The following HTR1F variants were observed in gnomAD, a reference collection of about 807,000 sequenced individuals.
HTR1F encodes 5-hydroxytryptamine (serotonin) receptor 1F, G protein-coupled.
In HTR1F, 17 loss-of-function variants were observed where a neutral mutation model predicts 24.0. The ratio of observed to expected loss-of-function variants is 0.71; its 90% CI spans 0.48 to 1.06. HTR1F has a LOEUF of 1.06. Ranked by LOEUF, HTR1F falls within the 50% of genes least tolerant of loss-of-function variation. HTR1F has a pLI of 0.00. For missense variants in HTR1F, 391 were observed against 427.8 expected (o/e 0.91, Z 0.76); for synonymous variants, 186 against 156.8 (o/e 1.19, Z -1.39).
intron 2 of HTR1F, among the ~76,000 whole-genome samples, chr3:87,947,154 T>C (rs1056852758): frequency 1.3e-5 from 2 of 152,252 alleles, no homozygotes; most frequent in Non-Finnish European, 2.9e-5. Flanking sequence ...TGTTTTAACA[T>C]ATTTTTGCCT....
chr3:87,959,046 C>T (rs1211108675), intron 2 of HTR1F, among the ~76,000 whole-genome samples: 1 of 151,656 alleles, frequency 6.6e-6, no homozygotes, highest in Non-Finnish European at 1.5e-5. Context: ...AACTTATTAC[C>T]TTGATATCTT....
At chr3:87,941,980 G>A (rs2880696) in intron 2 of HTR1F, among the ~76,000 whole-genome samples, 4 of 152,032 alleles carry the variant, frequency 2.6e-5, no homozygotes, top group Non-Finnish European at 2.9e-5. Context: ...GTTGGGCCTC[G>A]GGTCTAAGGG....
At chr3:87,900,324 A>C (rs1473192575) in intron 2 of HTR1F, among the ~76,000 whole-genome samples, 1 of 152,202 alleles carries the variant, frequency 6.6e-6, no homozygotes, top group Non-Finnish European at 1.5e-5. Flanking sequence ...CAAAAAGTGC[A>C]CTCTGTCTCT....
intron 2 of HTR1F, among the ~76,000 whole-genome samples, chr3:87,939,002 C>A (rs1704496075): frequency 6.6e-6 from 1 of 152,164 alleles, no homozygotes; most frequent in Admixed American, 6.6e-5. Context: ...AAATAACCTA[C>A]AGAAAATATT....
At chr3:87,846,315 T>C (rs1285390437) in intron 2 of HTR1F, among the ~76,000 whole-genome samples, 2 of 151,712 alleles carry the variant, frequency 1.3e-5, no homozygotes, top group Admixed American at 1.3e-4. Context: ...GCACCTGTAA[T>C]CCCAGCTACT....
At chr3:87,979,798 G>T (rs147809489) in intron 2 of HTR1F, among the ~76,000 whole-genome samples, 2 of 152,314 alleles carry the variant, frequency 1.3e-5, no homozygotes, top group East Asian at 3.9e-4. Context: ...AGCCAGGCGC[G>T]CTGGCTGCTG....
intron 2 of HTR1F, among the ~76,000 whole-genome samples, chr3:87,911,946 C>T (rs144237539): frequency 6.6e-6 from 1 of 152,226 alleles, no homozygotes; most frequent in African/African-American, 2.4e-5. Context: ...CTATAACAAA[C>T]TGACAGCCAA....
At position 87,990,953 on chromosome 3, in the gene HTR1F, A is replaced by C. The variant is rs1416462874; in HGVS notation, c.204A>C (p.Thr68=). ...ATTTAATTTGTTCCCTTGCAGTCACAGATTTTCTTGTGGCTGTCCTGGTGA... is the reference window on the plus strand; with the variant it reads ...ATTTAATTTGTTCCCTTGCAGTCACCGATTTTCTTGTGGCTGTCCTGGTGA... ...ANYLICSLAV[T]DFLVAVLVMP... The change falls in exon 3 of 3, where the codon ACA becomes ACC. Residue 68 remains threonine, a synonymous_variant. Transcript: ENST00000319595. The C allele has an allele frequency of 6.2e-7, 1 of 1,614,072 alleles. No homozygotes were observed. The highest frequency in any genetic ancestry group is 1.3e-5 in the African/African-American group (1 of 74,928).
At chr3:87,911,902 T>A (rs1479996638) in intron 2 of HTR1F, among the ~76,000 whole-genome samples, 1 of 152,110 alleles carries the variant, frequency 6.6e-6, no homozygotes, top group African/African-American at 2.4e-5. Context: ...AAACTGGGTA[T>A]CGAAGAAATA....
intron 1 of HTR1F, among the ~76,000 whole-genome samples, chr3:87,793,969 CA>C (rs78156685): frequency 2.1e-3 from 201 of 93,674 alleles, no homozygotes; most frequent in Middle Eastern, 0.014. Flanking sequence ...TATGCTATGC[CA>C]AAAAAAAAAA....
intron 2 of HTR1F, among the ~76,000 whole-genome samples, chr3:87,953,554 C>A (rs1467433366): frequency 2.2e-4 from 33 of 150,504 alleles, no homozygotes; most frequent in Non-Finnish European, 3.3e-4. Context: ...AGCAAGGATG[C>A]AGAGAAAAGG....
At chr3:87,958,958 G>A (rs941965762) in intron 2 of HTR1F, among the ~76,000 whole-genome samples, 16 of 151,674 alleles carry the variant, frequency 1.1e-4, no homozygotes, top group African/African-American at 3.9e-4. Context: ...CTGATTGTCA[G>A]ATCCATATTG....
At chr3:87,871,186 A>G (rs1033509538) in intron 2 of HTR1F, among the ~76,000 whole-genome samples, 2 of 152,028 alleles carry the variant, frequency 1.3e-5, no homozygotes, top group African/African-American at 4.8e-5. Flanking sequence ...AATGCACAAA[A>G]TGAGAATATC....
chr3:87,810,264 G>A (rs116699328), intron 1 of HTR1F, among the ~76,000 whole-genome samples: 3,603 of 152,222 alleles, frequency 0.024, 65 homozygotes, highest in Non-Finnish European at 0.031. Flanking sequence ...AGCCTGACAG[G>A]AAGTGGAAGG....
intron 2 of HTR1F, among the ~76,000 whole-genome samples, chr3:87,895,537 A>G (rs1706179645): frequency 1.3e-5 from 2 of 152,100 alleles, no homozygotes; most frequent in Admixed American, 1.3e-4. Flanking sequence ...CTTTCTCTTC[A>G]AAAGAATTTG....
chr3:87,961,180 A>G (rs983684695), intron 2 of HTR1F, among the ~76,000 whole-genome samples: 1 of 151,982 alleles, frequency 6.6e-6, no homozygotes, highest in Non-Finnish European at 1.5e-5. Flanking sequence ...TTATTTGACC[A>G]CCCTTCCCCA....
At chr3:87,803,680 TA>T (rs11328992) in intron 1 of HTR1F, among the ~76,000 whole-genome samples, 19,762 of 152,088 alleles carry the variant, frequency 0.13, 4,025 homozygotes, top group African/African-American at 0.44. Context: ...TTCTAAAGCA[TA>T]ATAAAAGTCA....
At chr3:87,944,009 C>A (rs1400764636) in intron 2 of HTR1F, among the ~76,000 whole-genome samples, 1 of 152,166 alleles carries the variant, frequency 6.6e-6, no homozygotes, top group Non-Finnish European at 1.5e-5. Flanking sequence ...CCTCTGTGGT[C>A]CTAATGCTTA....
At chr3:87,978,221 G>T (rs144851083) in intron 2 of HTR1F, among the ~76,000 whole-genome samples, 3 of 152,146 alleles carry the variant, frequency 2.0e-5, no homozygotes, top group Non-Finnish European at 1.5e-5. Flanking sequence ...TCCAGAAATC[G>T]CAGAGACCCC....
Sources: allele counts gnomAD v4.1 joint callset (sites outside exome capture counted in the v4.1 genomes callset), GRCh38; gene constraint gnomAD v4.1.1; transcripts MANE v1.5; gene names NCBI Gene and HGNC (gene_info 2026-07-23, HGNC 2026-07-21).